KIAA1328: variants seen among roughly 807,000 people sequenced by gnomAD.
The protein encoded by KIAA1328 is KIAA1328.
KIAA1328 carries 52 observed loss-of-function variants against 68.1 expected under a neutral mutation model. That is an observed-to-expected ratio of 0.76 (90% CI 0.61 to 0.96). The LOEUF (loss-of-function observed/expected upper bound fraction) is 0.96. Among genes scored for constraint, KIAA1328 ranks in the 40% least tolerant of loss-of-function variants. The pLI is 0.00. For synonymous variants in KIAA1328, 232 were observed against 239.4 expected, an observed-to-expected ratio of 0.97 and a Z score of 0.28; for missense variants, 641 against 677.6, an observed-to-expected ratio of 0.95 and a Z score of 0.60.
At chr18:37,118,753 A>G (rs1269952078) in intron 7 of KIAA1328, among the ~76,000 whole-genome samples, 1 of 152,162 alleles carries the variant, frequency 6.6e-6, no homozygotes, top group Admixed American at 6.6e-5. Context: ...TGAGAAGAGA[A>G]GCAAAAATTT....
rs185281788 is a variant in KIAA1328 at position 37,101,177 on chromosome 18, G to C, written c.1232+33632G>C. 2.0e-4 allele frequency among the ~76,000 whole-genome samples: 30 copies of C among 152,330 alleles called. 1 individual carries two copies. The highest frequency in any genetic ancestry group is 1.6e-3 in the Admixed American group (24 of 15,306). The stretch of plus-strand genomic sequence containing the variant: ...ACAAAGCTGGATGATGAATGACTTT[G>C]ATGAGTTGAGAGAAGAAGGCTTCAG... On this transcript the variant is annotated intron_variant, in intron 7 of 9. Transcript: ENST00000280020.
chr18:36,852,075 T>A (rs1173896051), intron 4 of KIAA1328, among the ~76,000 whole-genome samples: 1 of 152,156 alleles, frequency 6.6e-6, no homozygotes, highest in Non-Finnish European at 1.5e-5. Context: ...TTTCCACATA[T>A]TTGTGCATTT....
At chr18:37,081,616 GGTTATGTTTATTCAACCTA>G (rs1645122496) in intron 7 of KIAA1328, among the ~76,000 whole-genome samples, 1 of 152,014 alleles carries the variant, frequency 6.6e-6, no homozygotes, top group African/African-American at 2.4e-5. Flanking sequence ...TTTTGTATTA[GGTTATGTTTATTCAACCTA>G]GTATTTGAAG....
chr18:37,050,033 A>G (rs1189353127), intron 6 of KIAA1328, among the ~76,000 whole-genome samples: 2 of 152,152 alleles, frequency 1.3e-5, no homozygotes, highest in Non-Finnish European at 2.9e-5. Flanking sequence ...ACTCTCTTTC[A>G]TATGACACAA....
intron 5 of KIAA1328, 114 bp from the exon 6 acceptor site, chr18:36,959,194 C>A: frequency 9.9e-7 from 1 of 1,009,714 alleles, no homozygotes; most frequent in South Asian, 1.9e-5. Context: ...ATGACTCTCG[C>A]CAAATATGAT....
intron 6 of KIAA1328, among the ~76,000 whole-genome samples, chr18:37,026,677 T>G (rs1246842981): frequency 6.6e-6 from 1 of 152,200 alleles, no homozygotes; most frequent in Non-Finnish European, 1.5e-5. Flanking sequence ...TCAACAGCCC[T>G]TCATGCTAAA....
chr18:37,108,741 C>T (rs1028002147), intron 7 of KIAA1328, among the ~76,000 whole-genome samples: 2 of 152,102 alleles, frequency 1.3e-5, no homozygotes, highest in Non-Finnish European at 2.9e-5. Flanking sequence ...CACTTCTTTA[C>T]CCTTGCCACA....
chr18:37,053,921 T>A (rs2055804922), intron 6 of KIAA1328, among the ~76,000 whole-genome samples: 1 of 150,424 alleles, frequency 6.6e-6, no homozygotes, highest in Non-Finnish European at 1.5e-5. Context: ...CTGACAAAGG[T>A]CTGGTATCCA....
At chr18:36,922,544 A>G (rs2151113754) in intron 5 of KIAA1328, among the ~76,000 whole-genome samples, 1 of 152,264 alleles carries the variant, frequency 6.6e-6, no homozygotes, top group East Asian at 1.9e-4. Context: ...ATATTTTGCC[A>G]CAGGGGTTTG....
chr18:37,107,553 C>G (rs528948238), intron 7 of KIAA1328, among the ~76,000 whole-genome samples: 45 of 152,158 alleles, frequency 3.0e-4, no homozygotes, highest in African/African-American at 1.0e-3. Context: ...TTTTGTAGTT[C>G]TTGTAGATAT....
chr18:36,889,552 CAT>C (rs2048611434), intron 5 of KIAA1328, among the ~76,000 whole-genome samples: 1 of 152,134 alleles, frequency 6.6e-6, no homozygotes, highest in Non-Finnish European at 1.5e-5. Flanking sequence ...GATTTAGAGT[CAT>C]AATCCCATTT....
At chr18:36,829,377 A>C in intron 1 of KIAA1328, 181 bp downstream of exon 1, 2 of 1,376,468 alleles carry the variant, frequency 1.5e-6, no homozygotes, top group Non-Finnish European at 1.9e-6. Context: ...TAGGTGGCCG[A>C]GAGACTGGTA....
chr18:37,140,130 G>A (rs751866925), intron 7 of KIAA1328, among the ~76,000 whole-genome samples: 3 of 151,992 alleles, frequency 2.0e-5, no homozygotes, highest in Non-Finnish European at 4.4e-5. Context: ...AATTCAAATT[G>A]CACCAAATGC....
intron 6 of KIAA1328, among the ~76,000 whole-genome samples, chr18:37,026,561 G>A (rs763038707): frequency 1.3e-5 from 2 of 152,094 alleles, no homozygotes; most frequent in South Asian, 2.1e-4. Context: ...ATGCAAGACT[G>A]GTTCAACATA....
intron 5 of KIAA1328, among the ~76,000 whole-genome samples, chr18:36,906,052 C>T (rs552503037): frequency 3.3e-5 from 5 of 152,144 alleles, no homozygotes; most frequent in Non-Finnish European, 7.4e-5. Flanking sequence ...ATACTTCCTT[C>T]TACCTTTAGT....
At chr18:37,231,923 T>G (rs2060665499), downstream of KIAA1328, 1 of 152,278 alleles carries the variant, frequency 6.6e-6, no homozygotes, top group Non-Finnish European at 1.5e-5. Flanking sequence ...TCCTCATTGC[T>G]GCCCATTGGG....
chr18:37,177,435 C>G (rs2059616267), intron 9 of KIAA1328, among the ~76,000 whole-genome samples: 1 of 152,180 alleles, frequency 6.6e-6, no homozygotes, highest in Admixed American at 6.5e-5. Flanking sequence ...TCACTTCTTT[C>G]TGTTCTTCTA....
intron 6 of KIAA1328, among the ~76,000 whole-genome samples, chr18:37,038,116 A>G (rs1400756802): frequency 2.6e-5 from 4 of 151,938 alleles, no homozygotes; most frequent in African/African-American, 7.2e-5. Context: ...AAAAAAGAAA[A>G]AAGAAAAGGG....
intron 6 of KIAA1328, among the ~76,000 whole-genome samples, chr18:37,025,292 C>A (rs2054524483): frequency 6.6e-6 from 1 of 152,150 alleles, no homozygotes; most frequent in Non-Finnish European, 1.5e-5. Context: ...TAACCCCCCA[C>A]TGTCAACATT....
Sources: allele counts gnomAD v4.1 joint callset (sites outside exome capture counted in the v4.1 genomes callset), GRCh38; gene constraint gnomAD v4.1.1; transcripts MANE v1.5; gene names NCBI Gene and HGNC (gene_info 2026-07-23, HGNC 2026-07-21).